SV2C: variants seen among roughly 807,000 people sequenced by gnomAD.
SV2C encodes synaptic vesicle glycoprotein 2C.
SV2C carries 49 observed loss-of-function variants against 79.7 expected under a neutral mutation model. That is an observed-to-expected ratio of 0.61 (90% CI 0.49 to 0.78). The LOEUF (loss-of-function observed/expected upper bound fraction) is 0.78. SV2C is among the 30% of genes least tolerant of loss of function. SV2C has a pLI of 0.00. For synonymous variants in SV2C, 334 were observed against 333.2 expected, an observed-to-expected ratio of 1.00 and a Z score of -0.03; for missense variants, 833 against 912.9, an observed-to-expected ratio of 0.91 and a Z score of 1.13.
chr5:76,053,467 C>T, the SV2C span, among the ~76,000 whole-genome samples: 8 of 152,242 alleles, frequency 5.3e-5, no homozygotes, highest in East Asian at 9.7e-4. Flanking sequence ...AATTGATTAA[C>T]GTGTGACAAT....
At chr5:75,866,349 A>T in the SV2C span, among the ~76,000 whole-genome samples, 1 of 152,188 alleles carries the variant, frequency 6.6e-6, no homozygotes, top group South Asian at 2.1e-4. Flanking sequence ...AGGGATTCCT[A>T]TGCATTGGGT....
the SV2C span, among the ~76,000 whole-genome samples, chr5:75,941,648 C>T: frequency 6.6e-6 from 1 of 152,216 alleles, no homozygotes; most frequent in South Asian, 2.1e-4. Context: ...GCTCCTGGCT[C>T]ATAATTCCTA....
the SV2C span, among the ~76,000 whole-genome samples, chr5:75,930,839 A>C: frequency 6.6e-6 from 1 of 152,230 alleles, no homozygotes; most frequent in Admixed American, 6.5e-5. Flanking sequence ...TTTGGTGAAG[A>C]GTAATAATGA....
intron 12 of SV2C, among the ~76,000 whole-genome samples, chr5:76,308,983 G>A (rs910266021): frequency 1.3e-5 from 2 of 152,054 alleles, no homozygotes; most frequent in East Asian, 3.9e-4. Context: ...AGTGGTCAGG[G>A]TTATTACATG....
At chr5:76,351,842 T>G (rs1749648022) in intron 12 of SV2C, among the ~76,000 whole-genome samples, 1 of 152,178 alleles carries the variant, frequency 6.6e-6, no homozygotes, top group Admixed American at 6.5e-5. Flanking sequence ...GCAAGCTCAG[T>G]GCATGCAAAT....
At chr5:76,282,411 T>C (rs114282497) in intron 4 of SV2C, among the ~76,000 whole-genome samples, 2,486 of 152,318 alleles carry the variant, frequency 0.016, 51 homozygotes, top group Middle Eastern at 0.082. Flanking sequence ...CATGAAGCTT[T>C]GGCGCAGTCT....
At chr5:76,105,173 T>C (rs1747867788) in intron 1 of SV2C, among the ~76,000 whole-genome samples, 1 of 152,118 alleles carries the variant, frequency 6.6e-6, no homozygotes, top group African/African-American at 2.4e-5. Context: ...AGTCAAGAAA[T>C]GCCAGGGATT....
the SV2C span, among the ~76,000 whole-genome samples, chr5:75,941,830 C>T: frequency 6.6e-6 from 1 of 152,154 alleles, no homozygotes; most frequent in Non-Finnish European, 1.5e-5. Context: ...TAAATAAATT[C>T]TCTGACCTAC....
At chr5:76,284,568 G>A (rs1011644107) in intron 4 of SV2C, among the ~76,000 whole-genome samples, 1 of 152,164 alleles carries the variant, frequency 6.6e-6, no homozygotes, top group Non-Finnish European at 1.5e-5. Flanking sequence ...AGGAGGGAGG[G>A]GTGGCCAGAC....
chr5:76,194,935 C>T lies in SV2C; in HGVS notation c.597C>T (p.Leu199=), dbSNP rs1292080692. The change falls in exon 3 of 13, where the codon CTC becomes CTT. Residue 199 remains leucine, a synonymous_variant. Transcript: ENST00000502798. Reference sequence around the variant, plus strand: ...GTGTTGCAGGCAGCATAGTGTACCTCGGGATGATGGTGGGGGCGTTCTTCT... The same window carrying T: ...GTGTTGCAGGCAGCATAGTGTACCTTGGGATGATGGTGGGGGCGTTCTTCT... The part of the protein sequence containing the change: ...GSGWLGSIVY[L]GMMVGAFFWG... The T allele has an allele frequency of 1.2e-6, 2 of 1,613,784 alleles. No homozygotes were observed. The highest frequency in any genetic ancestry group is 1.7e-6 in the Non-Finnish European group (2 of 1,179,914).
chr5:76,295,385 ATAACTTAATCACCTCC>A (rs1747715802), intron 8 of SV2C, among the ~76,000 whole-genome samples: 1 of 152,192 alleles, frequency 6.6e-6, no homozygotes, highest in Non-Finnish European at 1.5e-5. Context: ...CTCTGCCCTC[ATAACTTAATCACCTCC>A]TAAAGCCCCC....
the SV2C span, among the ~76,000 whole-genome samples, chr5:75,898,084 G>A: frequency 1.8e-4 from 27 of 152,010 alleles, no homozygotes; most frequent in Non-Finnish European, 3.4e-4. Context: ...TAATTGCCCT[G>A]GCCAGAACTT....
At position 76,325,577 on chromosome 5, in the gene SV2C, C is replaced by T. The variant is rs1415721482; in HGVS notation, c.*30C>T. 1 of 1,611,096 alleles carries T rather than the reference C, an allele frequency of 6.2e-7. No individual in the cohort carries two copies. The highest frequency in any genetic ancestry group is 1.3e-5 in the African/African-American group (1 of 74,986). ...AAAAAAAGCCATCCTTCCTGCGTTTCTTCCTCCTGCCCTGGGTCAATTCTC... is the reference window on the plus strand; with the variant it reads ...AAAAAAAGCCATCCTTCCTGCGTTTTTTCCTCCTGCCCTGGGTCAATTCTC... On this transcript the variant is annotated 3_prime_UTR_variant, in exon 13 of 13. Transcript: ENST00000502798.
chr5:76,350,749 C>A (rs574543080), intron 12 of SV2C, among the ~76,000 whole-genome samples: 1 of 152,182 alleles, frequency 6.6e-6, no homozygotes, highest in South Asian at 2.1e-4. Context: ...GGCATGGTGG[C>A]TCACGCCTGT....
At chr5:76,035,429 A>G in the SV2C span, among the ~76,000 whole-genome samples, 1 of 151,920 alleles carries the variant, frequency 6.6e-6, no homozygotes, top group Admixed American at 6.6e-5. Flanking sequence ...GAATGTGTCC[A>G]AGAGATTCTG....
the SV2C span, among the ~76,000 whole-genome samples, chr5:76,039,962 A>G: frequency 3.3e-5 from 5 of 152,172 alleles, no homozygotes; most frequent in Non-Finnish European, 7.3e-5. Context: ...CATTACCACC[A>G]AAATTCAAGC....
chr5:76,284,655 G>A (rs984516535), intron 4 of SV2C, among the ~76,000 whole-genome samples: 1 of 152,188 alleles, frequency 6.6e-6, no homozygotes, highest in Non-Finnish European at 1.5e-5. Flanking sequence ...CAGCCAGTCA[G>A]GGGGAAGGGA....
At chr5:75,986,652 T>C in the SV2C span, among the ~76,000 whole-genome samples, 1 of 152,014 alleles carries the variant, frequency 6.6e-6, no homozygotes, top group Non-Finnish European at 1.5e-5. Context: ...TATTCTAGGC[T>C]TAGTTTTAGG....
the SV2C span, among the ~76,000 whole-genome samples, chr5:75,967,634 G>C: frequency 6.6e-6 from 1 of 152,174 alleles, no homozygotes; most frequent in Non-Finnish European, 1.5e-5. Context: ...AGGGGCACCC[G>C]CCATTGCCGA....
Sources: allele counts gnomAD v4.1 joint callset (sites outside exome capture counted in the v4.1 genomes callset), GRCh38; gene constraint gnomAD v4.1.1; transcripts MANE v1.5; gene names NCBI Gene and HGNC (gene_info 2026-07-23, HGNC 2026-07-21).